Variants in DCDC2C observed in about 807,000 individuals in gnomAD.
The protein encoded by DCDC2C is doublecortin domain-containing protein 2C.
In DCDC2C, 44 loss-of-function variants were observed where a neutral mutation model predicts 45.0. That is an observed-to-expected ratio of 0.98 (90% CI 0.77 to 1.26). The LOEUF (loss-of-function observed/expected upper bound fraction) is 1.26. Ranked by LOEUF, DCDC2C falls within the 50% of genes most tolerant of loss-of-function variation. The probability of loss-of-function intolerance (pLI) is 0.00; values close to 1 mark genes in which losing one functional copy is unlikely to be tolerated. For missense variants in DCDC2C, 447 were observed against 468.9 expected (o/e 0.95, Z 0.43); for synonymous variants, 187 against 178.8 (o/e 1.05, Z -0.37).
At chr2:3,749,332 A>G (rs12621760) in intron 4 of DCDC2C, among the ~76,000 whole-genome samples, 11,488 of 152,338 alleles carry the variant, frequency 0.075, 525 homozygotes, top group Middle Eastern at 0.12. Context: ...ATTTATGTGC[A>G]TGATCTCATT....
Position 3,759,982 on chromosome 2 carries a change from G to A in DCDC2C, c.726+5348G>A, listed in dbSNP as rs1288671864. 2.0e-5 allele frequency among the ~76,000 whole-genome samples: 3 copies of A among 152,212 alleles called. No homozygotes were observed. In the East Asian group the frequency reaches 5.8e-4, roughly 29 times the overall value. ...AGCAGGCATCTGGCCTCTGACCTCT[G>A]CACTTGGAATCCCAGCTGTACTTAA... On this transcript the variant is annotated intron_variant, in intron 6 of 10. Transcript: ENST00000399143.
intron 10 of DCDC2C, among the ~76,000 whole-genome samples, chr2:3,827,363 C>T (rs1330002251): frequency 2.6e-5 from 4 of 151,872 alleles, no homozygotes; most frequent in Non-Finnish European, 5.9e-5. Flanking sequence ...CAGCCTGGGA[C>T]CGGGGAGACA....
intron 10 of DCDC2C, among the ~76,000 whole-genome samples, chr2:3,808,347 G>A (rs1370417203): frequency 1.3e-5 from 2 of 151,706 alleles, no homozygotes; most frequent in Non-Finnish European, 2.9e-5. Flanking sequence ...GGACCTGTTT[G>A]TTTAATGGAT....
chr2:3,765,917 C>T (rs959218442), intron 6 of DCDC2C, among the ~76,000 whole-genome samples: 4 of 152,154 alleles, frequency 2.6e-5, no homozygotes, highest in African/African-American at 9.7e-5. Flanking sequence ...GGTGCACCTG[C>T]GCTGCTCCCG....
At chr2:3,784,379 C>T (rs1239958263) in intron 9 of DCDC2C, among the ~76,000 whole-genome samples, 1 of 151,874 alleles carries the variant, frequency 6.6e-6, no homozygotes, top group Non-Finnish European at 1.5e-5. Flanking sequence ...ATCTTCTGCA[C>T]TTTTTTAAAC....
chr2:3,717,976 T>TCCCATGCTTCCATGGCA (rs1668391395), intron 2 of DCDC2C, among the ~76,000 whole-genome samples: 1 of 152,190 alleles, frequency 6.6e-6, no homozygotes, highest in East Asian at 1.9e-4. Context: ...GATGTTCCTC[T>TCCCATGCTTCCATGGCA]CCCATGCTTC....
At chr2:3,769,286 G>T in intron 7 of DCDC2C, 25 bp from the exon 8 acceptor site, 1 of 1,544,796 alleles carries the variant, frequency 6.5e-7, no homozygotes, top group Non-Finnish European at 8.8e-7. Context: ...GGTTTCAAAA[G>T]TTTGTCTGTG....
intron 3 of DCDC2C, among the ~76,000 whole-genome samples, chr2:3,740,666 C>T (rs1246356318): frequency 2.0e-5 from 3 of 152,266 alleles, no homozygotes; most frequent in East Asian, 1.9e-4. Flanking sequence ...TCTGATATAA[C>T]TTGCATGGAA....
chr2:3,778,234 C>T (rs772081073), intron 8 of DCDC2C, among the ~76,000 whole-genome samples: 27 of 152,222 alleles, frequency 1.8e-4, no homozygotes, highest in Non-Finnish European at 3.2e-4. Context: ...ACTTGGTTGG[C>T]GTGTTATTGC....
chr2:3,780,016 C>G (rs143508621), intron 9 of DCDC2C, among the ~76,000 whole-genome samples: 15 of 152,312 alleles, frequency 9.8e-5, no homozygotes, highest in African/African-American at 3.1e-4. Flanking sequence ...ACAGAATACA[C>G]TTGTAAAACA....
At chr2:3,840,929 CTT>C (rs1274107285) in intron 10 of DCDC2C, among the ~76,000 whole-genome samples, 2 of 152,194 alleles carry the variant, frequency 1.3e-5, no homozygotes, top group African/African-American at 4.8e-5. Context: ...CTCATGTGGA[CTT>C]TGAGTAAACC....
intron 10 of DCDC2C, among the ~76,000 whole-genome samples, chr2:3,835,267 G>A (rs1672046996): frequency 6.6e-6 from 1 of 152,098 alleles, no homozygotes; most frequent in Non-Finnish European, 1.5e-5. Context: ...GCCCACTCGT[G>A]GTGTTCTTGA....
At chr2:3,765,074 A>G (rs1436741966) in intron 6 of DCDC2C, among the ~76,000 whole-genome samples, 2 of 152,244 alleles carry the variant, frequency 1.3e-5, no homozygotes, top group African/African-American at 4.8e-5. Context: ...AAGGTGCATG[A>G]TGTAAGAAAC....
intron 1 of DCDC2C, among the ~76,000 whole-genome samples, chr2:3,704,697 T>A (rs1272396733): frequency 1.7e-4 from 1 of 5,796 alleles, no homozygotes; most frequent in African/African-American, 9.2e-4. Flanking sequence ...GGGAGGAGTG[T>A]AGGGGAGGGG....
intron 1 of DCDC2C, chr2:3,704,299 C>CCG: frequency 2.8e-6 from 1 of 361,278 alleles, no homozygotes; most frequent in Non-Finnish European, 4.9e-6. Context: ...CGATTCAGGA[C>CCG]CGCCCCAGAG....
chr2:3,766,082 T>C (rs1670003789), intron 6 of DCDC2C, among the ~76,000 whole-genome samples: 1 of 152,152 alleles, frequency 6.6e-6, no homozygotes, highest in African/African-American at 2.4e-5. Context: ...TGGGTGACTT[T>C]CCACGTCAGG....
intron 10 of DCDC2C, among the ~76,000 whole-genome samples, chr2:3,823,824 A>G (rs1671751241): frequency 6.6e-6 from 1 of 150,394 alleles, no homozygotes; most frequent in Non-Finnish European, 1.5e-5. Context: ...GTTTCTCTTT[A>G]TATTATGTGT....
At chr2:3,752,680 G>A in intron 4 of DCDC2C, 83 bp from the exon 5 acceptor site, 5 of 1,460,088 alleles carry the variant, frequency 3.4e-6, no homozygotes, top group Non-Finnish European at 4.7e-6. Flanking sequence ...CACTAGTCAT[G>A]TCATAGTGTA....
chr2:3,766,689 C>T (rs1670020513), intron 6 of DCDC2C, among the ~76,000 whole-genome samples: 1 of 152,146 alleles, frequency 6.6e-6, no homozygotes. Context: ...TTTAGTTTGA[C>T]ATTTCTTAAG....
Sources: allele counts gnomAD v4.1 joint callset (sites outside exome capture counted in the v4.1 genomes callset), GRCh38; gene constraint gnomAD v4.1.1; transcripts MANE v1.5; gene names NCBI Gene and HGNC (gene_info 2026-07-23, HGNC 2026-07-21).